TBX1: variants seen among roughly 807,000 people sequenced by gnomAD.
TBX1 encodes the protein T-box transcription factor 1, also known as T-box transcription factor TBX1.
In TBX1, 16 loss-of-function variants were observed where a neutral mutation model predicts 40.8. The ratio of observed to expected loss-of-function variants is 0.39; its 90% CI spans 0.27 to 0.60. TBX1 has a LOEUF of 0.60. TBX1 is among the 20% of genes least tolerant of loss of function. TBX1 has a pLI of 0.51. For missense variants in TBX1, 755 were observed against 728.5 expected (o/e 1.04, Z -0.42); for synonymous variants, 403 against 336.8 (o/e 1.20, Z -2.15).
chr22:19,759,470 C>T (rs1022268458), upstream of TBX1: 28 of 1,432,588 alleles, frequency 2.0e-5, no homozygotes, highest in Admixed American at 5.3e-4. Context: ...TCGGAGGCGG[C>T]GCCGGCCAGG....
At chr22:19,759,575 A>T, upstream of TBX1, 8 of 1,596,116 alleles carry the variant, frequency 5.0e-6, no homozygotes, top group Non-Finnish European at 6.8e-6. Context: ...GGCGGAGCGC[A>T]CCGCCCACCA....
rs746384751 is a variant in TBX1, at chr22:19,763,341, C to T, written c.538C>T (p.Arg180Trp). 6.2e-7 allele frequency: 1 copy of T among 1,613,948 alleles called. No homozygotes were observed. Among genetic ancestry groups the T allele is most frequent in the East Asian group, 2.2e-5 (1 of 44,884 alleles). The change falls in exon 2 of 7, where the codon CGG becomes TGG. Residue 180 changes from arginine to tryptophan, a missense_variant and splice_region_variant. Arg to Trp is a moderately radical substitution (Grantham distance 101). This residue lies in a region of TBX1 where 144 missense variants were observed against 238.0 expected (regional missense o/e 0.61). Transcript: ENST00000649276. ...CGTGCCGGTGGACGATAAGCGCTAC[C>T]GGTGAGCGAGTGGTTGTAAGCGTGA... Reference protein sequence around the residue: ...DFVPVDDKRYRYAFHSSSWLV... With the variant: ...DFVPVDDKRYWYAFHSSSWLV...
chr22:19,768,960 T>C (rs1482163058), downstream of TBX1, among the ~76,000 whole-genome samples: 1 of 118,020 alleles, frequency 8.5e-6, no homozygotes, highest in African/African-American at 4.0e-5. Flanking sequence ...ATTCTTTTTT[T>C]TTTTTTTTTT....
At position 19,764,159 on chromosome 22, in the gene TBX1, G is replaced by A. The variant is rs1342897153; in HGVS notation, c.544G>A (p.Ala182Thr). 16 of 1,612,698 alleles carry A rather than the reference G, an allele frequency of 9.9e-6. No individual in the cohort carries two copies. Among genetic ancestry groups the A allele is most frequent in the African/African-American group, 1.3e-5 (1 of 74,926 alleles). The change falls in exon 3 of 7, where the codon GCC becomes ACC. Residue 182 changes from alanine (A) to threonine (T), a missense_variant. Transcript: ENST00000649276. ...VPVDDKRYRYAFHSSSWLVAG... is the reference protein window; with the variant it reads ...VPVDDKRYRYTFHSSSWLVAG... ...CCCCACCCCGTGCCGCTCCAGGTAC[G>A]CCTTCCACAGCTCCTCCTGGCTGGT...
rs565927787 is a variant in TBX1 at position 19,766,511 on chromosome 22, G to A, written c.1159G>A (p.Gly387Ser). The A allele has an allele frequency of 2.3e-4, 297 of 1,309,378 alleles. 3 individuals are homozygous for A. In the African/African-American group the frequency reaches 4.2e-3, roughly 19 times the overall value. The allele number at this position is 1,309,378 out of a possible 1,614,324, so 81.1% of individuals were successfully genotyped here. ...AAGCCCCTCGCTGCCCGGGGCCGGC[G>A]GCGCCGGCGGCTTAGTCCCGCTGCC... ...VLSPSLPGAG[G>S]AGGLVPLPGA... Residue 387 changes from glycine to serine, a missense_variant, in exon 7 of 7, where the codon GGC becomes AGC. Coordinates refer to ENST00000649276, the MANE Select transcript of TBX1 (RefSeq NM_001379200.1).
intron 6 of TBX1, 28 bp from the exon 7 acceptor site, chr22:19,766,361 C>A (rs1182406277): frequency 1.6e-6 from 2 of 1,258,918 alleles, no homozygotes; most frequent in South Asian, 2.5e-5. Context: ...CCCGGCCGGC[C>A]GCGCTCACTC....
At chr22:19,775,155 G>A (rs375688376) in intron 8 of TBX1, among the ~76,000 whole-genome samples, 86 of 152,098 alleles carry the variant, frequency 5.7e-4, no homozygotes, top group Middle Eastern at 3.4e-3. Flanking sequence ...GTACAGTGGC[G>A]CGATCTTGGC....
chr22:19,777,811 G>A (rs1937090882), intron 8 of TBX1, among the ~76,000 whole-genome samples: 1 of 149,946 alleles, frequency 6.7e-6, no homozygotes, highest in East Asian at 2.0e-4. Context: ...CCAGCCTGGA[G>A]TGCAGTGGTA....
At position 19,766,564 on chromosome 22, in the gene TBX1, C is replaced by A. The variant is rs1168835856; in HGVS notation, c.1212C>A (p.Pro404=). 2.1e-6 allele frequency: 3 copies of A among 1,441,172 alleles called. No homozygotes were observed. The highest frequency in any genetic ancestry group is 6.2e-5 in the East Asian group (2 of 32,104). 89.3% of individuals were successfully genotyped at this position (1,441,172 alleles called of 1,614,324 possible). A position where few individuals can be genotyped will look rare whatever the true frequency, so the allele number is the denominator to read the frequency against. The change falls in exon 7 of 7, where the codon CCC becomes CCA. Residue 404 remains proline, a synonymous_variant. Coordinates refer to ENST00000649276, the MANE Select transcript of TBX1 (RefSeq NM_001379200.1). The part of the protein sequence containing the change: ...LPGAPGGRPS[P]PNPELRLEAP... ...GCGCGCCCGGAGGCCGGCCCAGTCC[C>A]CCGAACCCCGAGCTGCGCCTGGAGG...
chr22:19,759,569 G>C (rs1436767583), upstream of TBX1: 2 of 1,590,190 alleles, frequency 1.3e-6, no homozygotes, highest in African/African-American at 2.7e-5. Flanking sequence ...GGAGGCGGCG[G>C]AGCGCACCGC....
chr22:19,770,226 ACT>A (rs1936965968), downstream of TBX1, among the ~76,000 whole-genome samples: 2 of 151,822 alleles, frequency 1.3e-5, no homozygotes, highest in Admixed American at 1.3e-4. Flanking sequence ...ACTCCCAAAA[ACT>A]CTCCAAAAAC....
At chr22:19,772,442 A>C (rs539157553) in intron 8 of TBX1, among the ~76,000 whole-genome samples, 3 of 152,142 alleles carry the variant, frequency 2.0e-5, no homozygotes, top group East Asian at 3.9e-4. Context: ...ATTAGCTGGG[A>C]CTACAGGCGT....
At chr22:19,759,539 A>T, upstream of TBX1, 1 of 1,556,164 alleles carries the variant, frequency 6.4e-7, no homozygotes, top group Middle Eastern at 1.8e-4. Flanking sequence ...TGCGTTCAGC[A>T]TCGCCTCTCT....
chr22:19,763,170 G>A (rs773362125), intron 1 of TBX1, 71 bp from the exon 2 acceptor site: 12 of 1,319,256 alleles, frequency 9.1e-6, no homozygotes, highest in East Asian at 4.6e-5. Context: ...CAGAGGGGCC[G>A]CCAGCCCCAG....
chr22:19,783,328 G>C (rs1458311817), downstream of TBX1: 7 of 388,218 alleles, frequency 1.8e-5, no homozygotes, highest in Non-Finnish European at 3.5e-5. Flanking sequence ...CAGAGCCCAA[G>C]TCAGGAGGTC....
At chr22:19,764,073 A>T in intron 2 of TBX1, 82 bp from the exon 3 acceptor site, 1 of 1,521,664 alleles carries the variant, frequency 6.6e-7, no homozygotes, top group South Asian at 1.1e-5. Flanking sequence ...TCTCAAAGGC[A>T]CTTTTAGGGT....
At chr22:19,759,655 C>A, upstream of TBX1, 1 of 1,612,510 alleles carries the variant, frequency 6.2e-7, no homozygotes, top group Non-Finnish European at 8.5e-7. Context: ...TGCACTTCAG[C>A]ACCGTCACCA....
Position 19,760,870 on chromosome 22 carries a change from G to A in TBX1, c.27G>A (p.Trp9Ter). MISAVSSP[W>*]LTQLSHFCDV... ...TGATCTCCGCCGTGTCCAGCCCGTGGCTCACGCAGCTCTCGCATTTCTGCG... is the reference window on the plus strand; with the variant it reads ...TGATCTCCGCCGTGTCCAGCCCGTGACTCACGCAGCTCTCGCATTTCTGCG... The change falls in exon 1 of 7, where the codon TGG (tryptophan) becomes TGA (stop). Residue 9 changes from tryptophan to a stop codon, truncating the protein, a stop_gained. Transcript: ENST00000649276. LOFTEE classifies it high-confidence loss of function. The A allele has an allele frequency of 9.6e-7, 1 of 1,043,912 alleles. No individual in the cohort carries two copies. Among genetic ancestry groups the A allele is most frequent in the Non-Finnish European group, 1.2e-6 (1 of 858,404 alleles). The allele number at this position is 1,043,912 out of a possible 1,614,324, so 64.7% of individuals were successfully genotyped here.
At chr22:19,768,950 A>ATTTTTTTTTTTTTTTTTT, downstream of TBX1, among the ~76,000 whole-genome samples, 1 of 70,730 alleles carries the variant, frequency 1.4e-5, no homozygotes, top group East Asian at 5.1e-4. Context: ...GGCTGTTCGC[A>ATTTTTTTTTTTTTTTTTT]TTCTTTTTTT....
Sources: gnomAD v4.1 joint callset for allele counts (sites outside exome capture counted in the v4.1 genomes callset) on GRCh38, gnomAD v4.1.1 for gene constraint, gnomAD v4.1.1 regional missense constraint, MANE v1.5 for transcripts, NCBI Gene and HGNC (gene_info 2026-07-23, HGNC 2026-07-21) for gene names.